Variants in HP1BP3 observed in about 807,000 individuals in gnomAD.
HP1BP3 encodes heterochromatin protein 1 binding protein 3.
HP1BP3 carries 12 observed loss-of-function variants against 62.5 expected under a neutral mutation model. That is an observed-to-expected ratio of 0.19 (90% confidence interval 0.12 to 0.31). The LOEUF (loss-of-function observed/expected upper bound fraction) is 0.31. HP1BP3 is among the 10% of genes least tolerant of loss of function. The pLI is 1.00. For missense variants in HP1BP3, 502 were observed against 651.8 expected, an observed-to-expected ratio of 0.77 and a Z score of 2.50; for synonymous variants, 260 against 237.8, an observed-to-expected ratio of 1.09 and a Z score of -0.86.
intron 1 of HP1BP3, among the ~76,000 whole-genome samples, chr1:20,785,830 G>A (rs942818575): frequency 1.8e-4 from 27 of 152,164 alleles, no homozygotes; most frequent in Non-Finnish European, 2.9e-5. Flanking sequence ...CTTTTGAGAA[G>A]AGCAATGAAA....
Position 20,780,444 on chromosome 1 carries a change from A to C in HP1BP3, c.-4T>G. 6.2e-7 allele frequency: 1 copy of C among 1,606,536 alleles called. No individual in the cohort carries two copies. ...CTTGAGACGTATCAGTCGCCATTTT[A>C]AATAATTTCTAGGCCCGAGTACAGG... On this transcript the variant is annotated 5_prime_UTR_variant, in exon 2 of 13. Transcript: ENST00000438032.
At chr1:20,767,357 A>G (rs941284936) in intron 7 of HP1BP3, among the ~76,000 whole-genome samples, 1 of 152,188 alleles carries the variant, frequency 6.6e-6, no homozygotes, top group Admixed American at 6.5e-5. Flanking sequence ...CCCATAATTT[A>G]ATATAAGGCA....
chr1:20,752,694 GTCT>G (rs2055848441), intron 9 of HP1BP3, among the ~76,000 whole-genome samples: 1 of 152,060 alleles, frequency 6.6e-6, no homozygotes, highest in Non-Finnish European at 1.5e-5. Flanking sequence ...TGTGGTTATT[GTCT>G]TCTTTACTGC....
rs764710551 is a variant in HP1BP3, at chr1:20,779,884, G to A, written c.124C>T (p.Arg42Cys). 6 of 1,613,264 alleles carry A rather than the reference G, an allele frequency of 3.7e-6. No homozygotes were observed. The highest frequency in any genetic ancestry group is 1.1e-5 in the South Asian group (1 of 90,906). Residue 42 changes from arginine (R) to cysteine (C), a missense_variant, in exon 3 of 13, where the codon CGT (arginine) becomes TGT (cysteine). Physicochemically the swap from Arg to Cys is radical, Grantham distance 180. Around this residue, in one of 5 missense-constraint regions of HP1BP3, gnomAD observed 165 missense variants for 156.4 expected, o/e 1.05. Transcript: ENST00000438032. Reference sequence around the variant, plus strand: ...TCCCGGGTAGAATTCACAGTTCGACGAATCGGCATGGTGCTATCTTCTACC... The same window carrying A: ...TCCCGGGTAGAATTCACAGTTCGACAAATCGGCATGGTGCTATCTTCTACC... ...EKVEDSTMPI[R>C]RTVNSTRETP... is the part of the protein sequence containing the mutation.
At chr1:20,773,116 C>T (rs1261987773) in intron 5 of HP1BP3, among the ~76,000 whole-genome samples, 3 of 152,126 alleles carry the variant, frequency 2.0e-5, no homozygotes, top group Admixed American at 6.5e-5. Flanking sequence ...CTAGCAGGGG[C>T]GCCCAACAGA....
At chr1:20,745,218 A>C in intron 12 of HP1BP3, 127 bp from the exon 13 acceptor site, 1 of 1,029,564 alleles carries the variant, frequency 9.7e-7, no homozygotes, top group Non-Finnish European at 1.4e-6. Flanking sequence ...TAGGAATGTG[A>C]CAATTTTTTA....
chr1:20,760,152 G>A (rs1364816374), intron 8 of HP1BP3, among the ~76,000 whole-genome samples: 1 of 152,138 alleles, frequency 6.6e-6, no homozygotes, highest in African/African-American at 2.4e-5. Flanking sequence ...CTCCCAAAGT[G>A]CTGGGATTAC....
At chr1:20,764,522 G>GT (rs899787248) in intron 8 of HP1BP3, among the ~76,000 whole-genome samples, 61 of 147,494 alleles carry the variant, frequency 4.1e-4, no homozygotes, top group Admixed American at 6.1e-4. Context: ...TTTTTTTTTT[G>GT]TTTTTTTTCT....
Position 20,767,565 on chromosome 1 carries a change from T to A in HP1BP3, c.735+19A>T, listed in dbSNP as rs746682623. The A allele has an allele frequency of 3.3e-6, 5 of 1,530,100 alleles. No homozygotes were observed. Among genetic ancestry groups the A allele is most frequent in the Non-Finnish European group, 4.5e-6 (5 of 1,107,790 alleles). 94.8% of individuals were successfully genotyped at this position (1,530,100 alleles called of 1,614,324 possible). On this transcript the variant is annotated intron_variant, in intron 7 of 12. Coordinates refer to ENST00000438032, the MANE Select transcript of HP1BP3 (RefSeq NM_001372052.1). The stretch of plus-strand genomic sequence containing the variant: ...AGTAACAGCTCCACAGCACTCAAAC[T>A]GTGGTATAGATGTCTTACCTTTCTG...
chr1:20,751,586 A>G (rs1006970312), intron 9 of HP1BP3, among the ~76,000 whole-genome samples: 1 of 152,042 alleles, frequency 6.6e-6, no homozygotes, highest in Non-Finnish European at 1.5e-5. Context: ...CTAGCTATGA[A>G]TGGCGGCATG....
Position 20,742,806 on chromosome 1 carries a change from A to C in HP1BP3, c.*1991T>G, listed in dbSNP as rs1269251075. The C allele has an allele frequency of 6.6e-6, 1 of 152,670 alleles. No homozygotes were observed. The highest frequency in any genetic ancestry group is 1.5e-5 in the Non-Finnish European group (1 of 68,052). The allele number at this position is 152,670 out of a possible 1,614,324, so 9.5% of individuals were successfully genotyped here. The stretch of plus-strand genomic sequence containing the variant: ...CAATGAATTCATGATGGGATCACAC[A>C]TGATTATGATCTAATTCAAGCCAAT... On this transcript the variant is annotated 3_prime_UTR_variant, in exon 13 of 13. Transcript: ENST00000438032.
chr1:20,756,501 T>C (rs1395458031), intron 9 of HP1BP3, among the ~76,000 whole-genome samples: 2 of 151,834 alleles, frequency 1.3e-5, no homozygotes, highest in Non-Finnish European at 2.9e-5. Flanking sequence ...ACCTGGGAGA[T>C]AGAGGCTACA....
At chr1:20,782,480 A>T (rs1413462420) in intron 1 of HP1BP3, among the ~76,000 whole-genome samples, 1 of 151,478 alleles carries the variant, frequency 6.6e-6, no homozygotes, top group African/African-American at 2.4e-5. Flanking sequence ...CTACTTGGGA[A>T]GCTGAGACTG....
intron 3 of HP1BP3, among the ~76,000 whole-genome samples, chr1:20,778,914 T>A (rs1471188496): frequency 6.6e-6 from 1 of 151,932 alleles, no homozygotes; most frequent in African/African-American, 2.4e-5. Flanking sequence ...CTCAGCCTCC[T>A]GAGTAGCAGG....
chr1:20,744,808 C>T lies in HP1BP3; in HGVS notation c.1651G>A (p.Val551Met), dbSNP rs753723295. ...GKSTMKKSFRVKK is the reference protein window; with the variant it reads ...GKSTMKKSFRMKK ...TTTTCCTATAAAATTTACTTTTTCA[C>T]TCTGAAAGACTTCTTCATGGTGGAT... Residue 551 changes from valine to methionine, a missense_variant, in exon 13 of 13, where the codon GTG becomes ATG. Physicochemically the swap from Val to Met is conservative, Grantham distance 21. Coordinates refer to ENST00000438032, the MANE Select transcript of HP1BP3 (RefSeq NM_001372052.1). The T allele has an allele frequency of 3.7e-6, 6 of 1,601,662 alleles. No homozygotes were observed. The highest frequency in any genetic ancestry group is 5.1e-6 in the Non-Finnish European group (6 of 1,176,658).
chr1:20,783,553 A>G (rs2154541708), intron 1 of HP1BP3, among the ~76,000 whole-genome samples: 1 of 150,862 alleles, frequency 6.6e-6, no homozygotes, highest in Middle Eastern at 3.5e-3. Flanking sequence ...AAAAAAAACA[A>G]AAAAAATAGA....
rs1030458005 is a variant in HP1BP3, at chr1:20,744,686, T to C, written c.*111A>G. On this transcript the variant is annotated 3_prime_UTR_variant, in exon 13 of 13. Coordinates refer to ENST00000438032, the MANE Select transcript of HP1BP3 (RefSeq NM_001372052.1). Reference sequence around the variant, plus strand: ...TTAGAGTCCCTCCCCACAATGTTCATAGGGGAGGAAAATAATGTAATTTGA... The same window carrying C: ...TTAGAGTCCCTCCCCACAATGTTCACAGGGGAGGAAAATAATGTAATTTGA... 36 of 1,023,538 alleles carry C rather than the reference T, an allele frequency of 3.5e-5. No individual in the cohort carries two copies. The highest frequency in any genetic ancestry group is 7.7e-5 in the Admixed American group (3 of 38,796). The allele number at this position is 1,023,538 out of a possible 1,614,324, so 63.4% of individuals were successfully genotyped here.
intron 1 of HP1BP3, among the ~76,000 whole-genome samples, chr1:20,784,423 A>G (rs1486528223): frequency 7.3e-5 from 11 of 151,688 alleles, no homozygotes; most frequent in Non-Finnish European, 1.6e-4. Flanking sequence ...TAGATGCTCA[A>G]TTAATATTTG....
chr1:20,765,261 T>C lies in HP1BP3; in HGVS notation c.890+116A>G, dbSNP rs1192396119. ...AAAAAAATAAAACCAATAAAAAAGA[T>C]TTATTTTTAGCTGAAAGTAATCCTT... On this transcript the variant is annotated intron_variant, in intron 8 of 12. Transcript: ENST00000438032. The C allele has an allele frequency of 1.3e-5, 8 of 617,324 alleles. No individual in the cohort carries two copies. The African/African-American group carries it at 1.5e-4, about 12-fold the overall frequency. The allele number at this position is 617,324 out of a possible 1,614,324, so 38.2% of individuals were successfully genotyped here.
Sources: gnomAD v4.1 joint callset for allele counts (sites outside exome capture counted in the v4.1 genomes callset) on GRCh38, gnomAD v4.1.1 for gene constraint, gnomAD v4.1.1 regional missense constraint, MANE v1.5 for transcripts, NCBI Gene and HGNC (gene_info 2026-07-23, HGNC 2026-07-21) for gene names.